KCNMA1: variants seen among roughly 807,000 people sequenced by gnomAD.
KCNMA1 encodes potassium calcium-activated channel subfamily M alpha 1.
KCNMA1 carries 29 observed loss-of-function variants against 140.0 expected under a neutral mutation model. That is an observed-to-expected ratio of 0.21 (90% CI 0.15 to 0.28). The LOEUF (loss-of-function observed/expected upper bound fraction) is 0.28. KCNMA1 is among the 10% of genes least tolerant of loss of function. KCNMA1 has a pLI of 1.00. For missense variants in KCNMA1, 880 were observed against 1,602.2 expected, an observed-to-expected ratio of 0.55 and a Z score of 7.70; for synonymous variants, 612 against 611.9, an observed-to-expected ratio of 1.00 and a Z score of 0.00.
At chr10:77,463,514 T>C (rs973547774) in intron 1 of KCNMA1, among the ~76,000 whole-genome samples, 1 of 152,158 alleles carries the variant, frequency 6.6e-6, no homozygotes, top group Non-Finnish European at 1.5e-5. Flanking sequence ...ACCTCCCTGA[T>C]GAGCAGAGAG....
chr10:77,256,318 G>T (rs1193048351), intron 2 of KCNMA1, among the ~76,000 whole-genome samples: 1 of 152,150 alleles, frequency 6.6e-6, no homozygotes, highest in Non-Finnish European at 1.5e-5. Flanking sequence ...GCTCACAAAG[G>T]TGGCTACCAC....
intron 19 of KCNMA1, among the ~76,000 whole-genome samples, chr10:76,978,881 T>C (rs1008337315): frequency 6.6e-6 from 1 of 152,234 alleles, no homozygotes. Context: ...ATATTTATAC[T>C]GTCTTCACTT....
chr10:77,521,581 T>G (rs2053416623), intron 1 of KCNMA1, among the ~76,000 whole-genome samples: 1 of 152,252 alleles, frequency 6.6e-6, no homozygotes, highest in Admixed American at 6.5e-5. Flanking sequence ...GGAGATCTGC[T>G]GTAAGGATCG....
At chr10:77,305,268 C>T (rs2077418038) in intron 2 of KCNMA1, among the ~76,000 whole-genome samples, 3 of 152,176 alleles carry the variant, frequency 2.0e-5, no homozygotes, top group Admixed American at 2.0e-4. Flanking sequence ...TATCAGCTTA[C>T]CTTAAAACAG....
intron 2 of KCNMA1, among the ~76,000 whole-genome samples, chr10:77,326,367 C>A (rs1470832481): frequency 2.0e-5 from 3 of 152,202 alleles, no homozygotes; most frequent in African/African-American, 7.2e-5. Context: ...GTAATAGTTA[C>A]TTTACACCTC....
intron 2 of KCNMA1, among the ~76,000 whole-genome samples, chr10:77,374,152 G>A (rs1331903673): frequency 6.6e-6 from 1 of 152,126 alleles, no homozygotes; most frequent in Non-Finnish European, 1.5e-5. Flanking sequence ...CCTTCCCCAG[G>A]TGCCCTGATC....
chr10:77,196,106 AT>A (rs1258933188), intron 3 of KCNMA1, among the ~76,000 whole-genome samples: 3 of 151,936 alleles, frequency 2.0e-5, no homozygotes, highest in Admixed American at 6.6e-5. Flanking sequence ...TTTTAATTTT[AT>A]TGTCCTATCT....
chr10:77,159,305 CCTTT>C (rs2098528074), intron 5 of KCNMA1, among the ~76,000 whole-genome samples: 1 of 152,126 alleles, frequency 6.6e-6, no homozygotes, highest in Non-Finnish European at 1.5e-5. Context: ...ATCATCCGCT[CCTTT>C]CTTTCTTTTC....
At chr10:77,475,427 A>G (rs1018802634) in intron 1 of KCNMA1, among the ~76,000 whole-genome samples, 4 of 152,218 alleles carry the variant, frequency 2.6e-5, no homozygotes, top group African/African-American at 9.6e-5. Context: ...TGAAGGAGGC[A>G]GGGGAGAAAT....
chr10:77,480,755 T>C (rs1477294006), intron 1 of KCNMA1, among the ~76,000 whole-genome samples: 2 of 151,848 alleles, frequency 1.3e-5, no homozygotes, highest in Non-Finnish European at 2.9e-5. Flanking sequence ...CTGACAACCC[T>C]ACCCACAGTA....
At chr10:77,137,357 C>T (rs1265986862) in intron 5 of KCNMA1, among the ~76,000 whole-genome samples, 1 of 152,204 alleles carries the variant, frequency 6.6e-6, no homozygotes, top group East Asian at 1.9e-4. Flanking sequence ...CGTTTCCAAT[C>T]TCTGCAGCCC....
At chr10:77,035,100 T>A (rs2094228530) in intron 15 of KCNMA1, among the ~76,000 whole-genome samples, 1 of 152,032 alleles carries the variant, frequency 6.6e-6, no homozygotes, top group South Asian at 2.1e-4. Context: ...AAATCACAAG[T>A]CAAAATAAAT....
chr10:77,342,342 C>T (rs1472500986), intron 2 of KCNMA1, among the ~76,000 whole-genome samples: 4 of 152,138 alleles, frequency 2.6e-5, no homozygotes, highest in Admixed American at 2.6e-4. Flanking sequence ...AAATCTGACG[C>T]CTACCCTGTG....
intron 15 of KCNMA1, among the ~76,000 whole-genome samples, chr10:77,032,411 GA>G (rs949652541): frequency 7.9e-5 from 12 of 152,062 alleles, no homozygotes; most frequent in African/African-American, 2.7e-4. Context: ...GAGGTAAGGG[GA>G]AAAAAGGAAG....
intron 1 of KCNMA1, among the ~76,000 whole-genome samples, chr10:77,559,423 T>C (rs1247645827): frequency 6.6e-6 from 1 of 152,150 alleles, no homozygotes; most frequent in Non-Finnish European, 1.5e-5. Context: ...AATTGTGAAA[T>C]GCTTTGAATA....
At chr10:77,367,876 T>C (rs1201412004) in intron 2 of KCNMA1, among the ~76,000 whole-genome samples, 6 of 152,238 alleles carry the variant, frequency 3.9e-5, no homozygotes, top group Admixed American at 3.9e-4. Context: ...GTTGCTTTTA[T>C]CAATAGTTCA....
At chr10:77,612,340 T>C (rs982464116) in intron 1 of KCNMA1, among the ~76,000 whole-genome samples, 1 of 152,230 alleles carries the variant, frequency 6.6e-6, no homozygotes, top group Non-Finnish European at 1.5e-5. Flanking sequence ...AAAAATGTGA[T>C]GCATGAAACA....
chr10:77,563,670 T>C (rs1478828924), intron 1 of KCNMA1, among the ~76,000 whole-genome samples: 2 of 152,202 alleles, frequency 1.3e-5, no homozygotes, highest in Non-Finnish European at 2.9e-5. Context: ...AGTCACCCCA[T>C]GTACCTCCCT....
chr10:77,330,268 ACACCCTCAG>A (rs2085866250), intron 2 of KCNMA1, among the ~76,000 whole-genome samples: 1 of 152,182 alleles, frequency 6.6e-6, no homozygotes, highest in Non-Finnish European at 1.5e-5. Flanking sequence ...GAGAGCTTAT[ACACCCTCAG>A]TCCACATCAC....
Sources: allele counts gnomAD v4.1 joint callset (sites outside exome capture counted in the v4.1 genomes callset), GRCh38; gene constraint gnomAD v4.1.1; transcripts MANE v1.5; gene names NCBI Gene and HGNC (gene_info 2026-07-23, HGNC 2026-07-21).